Variants in EPB41L4A observed in about 807,000 individuals in gnomAD.
EPB41L4A encodes band 4.1-like protein 4A.
EPB41L4A carries 100 observed loss-of-function variants against 108.6 expected under a neutral mutation model. That is an observed-to-expected ratio of 0.92 (90% CI 0.78 to 1.09). The LOEUF is 1.09. Among genes scored for constraint, EPB41L4A ranks in the 50% least tolerant of loss-of-function variants. EPB41L4A has a pLI of 0.00. For missense variants in EPB41L4A, 1,030 were observed against 842.7 expected, an observed-to-expected ratio of 1.22 and a Z score of -2.75; for synonymous variants, 319 against 289.0, an observed-to-expected ratio of 1.10 and a Z score of -1.05.
At chr5:112,228,659 A>G (rs1580476369) in intron 12 of EPB41L4A, 37 of 968,510 alleles carry the variant, frequency 3.8e-5, no homozygotes, top group Non-Finnish European at 4.5e-5. Context: ...TTCTGTCTTC[A>G]TTGCCTACTT....
intron 2 of EPB41L4A, among the ~76,000 whole-genome samples, 194 bp from the exon 3 acceptor site, chr5:112,280,517 C>T (rs775308241): frequency 6.6e-6 from 1 of 152,184 alleles, no homozygotes; most frequent in Non-Finnish European, 1.5e-5. Context: ...AGGCCAGGCA[C>T]GGTGGCTCAC....
intron 6 of EPB41L4A, chr5:112,263,811 T>C (rs1410520998): frequency 6.8e-6 from 1 of 148,032 alleles, no homozygotes; most frequent in Non-Finnish European, 1.5e-5. Flanking sequence ...ATTCTACATT[T>C]TTTTCTTTTT....
chr5:112,142,502 G>C (rs1759104433), exon 14 of EPB41L4A: 1 of 152,128 alleles, frequency 6.6e-6, no homozygotes, highest in African/African-American at 2.4e-5. Flanking sequence ...ATGGGTGTGG[G>C]TCAAGAATAT....
chr5:112,353,348 T>C (rs1341533400), intron 1 of EPB41L4A, among the ~76,000 whole-genome samples: 2 of 152,222 alleles, frequency 1.3e-5, no homozygotes, highest in South Asian at 2.1e-4. Flanking sequence ...GGCAACTTGC[T>C]TGGGTGCCGG....
At chr5:112,409,561 C>T (rs1473269304) in intron 1 of EPB41L4A, among the ~76,000 whole-genome samples, 1 of 152,104 alleles carries the variant, frequency 6.6e-6, no homozygotes, top group Non-Finnish European at 1.5e-5. Context: ...ACCAAGAACA[C>T]CTAGAAAACG....
chr5:112,234,766 C>A lies in EPB41L4A; in HGVS notation c.966-11G>T. 6.2e-7 allele frequency: 1 copy of A among 1,605,956 alleles called. No homozygotes were observed. The highest frequency in any genetic ancestry group is 1.1e-5 in the South Asian group (1 of 90,068). On this transcript the variant is annotated splice_polypyrimidine_tract_variant and intron_variant, in intron 11 of 22. Coordinates refer to ENST00000261486, the MANE Select transcript of EPB41L4A (RefSeq NM_022140.5). ...AAAGCTGTCCTGCCACTTGAGAGTG[C>A]AACATTTTGATTAGCAAAGGTAAAA...
intron 11 of EPB41L4A, among the ~76,000 whole-genome samples, chr5:112,236,263 A>G (rs1490190606): frequency 6.6e-6 from 1 of 152,188 alleles, no homozygotes; most frequent in African/African-American, 2.4e-5. Flanking sequence ...GATCTGCCAT[A>G]GGCTATACAG....
intron 1 of EPB41L4A, among the ~76,000 whole-genome samples, chr5:112,322,728 TCA>T (rs1295541367): frequency 1.5e-5 from 2 of 136,950 alleles, no homozygotes; most frequent in African/African-American, 5.4e-5. Flanking sequence ...ACACACACAC[TCA>T]CACACACACC....
In EPB41L4A at chr5:112,164,774, C is replaced by T. The variant is rs961667708; in HGVS notation, c.*216G>A. 2.3e-5 allele frequency: 8 copies of T among 351,954 alleles called. No individual in the cohort carries two copies. Among genetic ancestry groups the T allele is most frequent in the South Asian group, 5.0e-5 (1 of 19,972 alleles). The allele number at this position is 351,954 out of a possible 1,614,324, so 21.8% of individuals were successfully genotyped here. On this transcript the variant is annotated 3_prime_UTR_variant, in exon 23 of 23. Coordinates refer to ENST00000261486, the MANE Select transcript of EPB41L4A (RefSeq NM_022140.5). ...CGCTTAACCCAGTAAGTGGAGGCTG[C>T]GGTGAGCTGACACGGTGCCGCTGCA...
At chr5:112,358,221 C>T (rs1252780621) in intron 1 of EPB41L4A, among the ~76,000 whole-genome samples, 3 of 152,194 alleles carry the variant, frequency 2.0e-5, no homozygotes, top group African/African-American at 4.8e-5. Flanking sequence ...ATGATTTGTC[C>T]TTACTGTATA....
chr5:112,325,283 T>C (rs766523678), intron 1 of EPB41L4A, among the ~76,000 whole-genome samples: 4 of 151,600 alleles, frequency 2.6e-5, no homozygotes, highest in South Asian at 2.1e-4. Flanking sequence ...CTACTAAAAA[T>C]ACAAAAAATT....
chr5:112,293,523 C>G (rs1753793934), intron 2 of EPB41L4A, among the ~76,000 whole-genome samples: 1 of 152,152 alleles, frequency 6.6e-6, no homozygotes, highest in African/African-American at 2.4e-5. Context: ...ACATTCATGC[C>G]TACTGCAATC....
At chr5:112,308,091 A>G (rs535951931) in intron 1 of EPB41L4A, among the ~76,000 whole-genome samples, 1 of 152,284 alleles carries the variant, frequency 6.6e-6, no homozygotes, top group Non-Finnish European at 1.5e-5. Flanking sequence ...TTAAACACTG[A>G]TAACTACCTA....
chr5:112,404,615 T>C (rs919822138), intron 1 of EPB41L4A, among the ~76,000 whole-genome samples: 6 of 152,102 alleles, frequency 3.9e-5, no homozygotes, highest in African/African-American at 1.2e-4. Flanking sequence ...ATATTCGGAG[T>C]CTATATTCTC....
chr5:112,204,294 A>G (rs1327670138), intron 15 of EPB41L4A, 81 bp downstream of exon 15: 6 of 846,486 alleles, frequency 7.1e-6, no homozygotes, highest in Admixed American at 1.8e-5. Flanking sequence ...TGTCGGTATA[A>G]GAATCACCTA....
chr5:112,279,776 G>T (rs1392724867), intron 3 of EPB41L4A, among the ~76,000 whole-genome samples: 1 of 151,940 alleles, frequency 6.6e-6, no homozygotes, highest in Non-Finnish European at 1.5e-5. Context: ...CAAAAAGCTA[G>T]CTCCCAAAAA....
At chr5:112,222,081 G>A (rs1748097613) in intron 12 of EPB41L4A, among the ~76,000 whole-genome samples, 1 of 152,132 alleles carries the variant, frequency 6.6e-6, no homozygotes, top group South Asian at 2.1e-4. Flanking sequence ...TCTTGGCTAG[G>A]TAAGATGCCC....
At chr5:112,354,377 T>A (rs945041643) in intron 1 of EPB41L4A, among the ~76,000 whole-genome samples, 1 of 151,960 alleles carries the variant, frequency 6.6e-6, no homozygotes, top group East Asian at 1.9e-4. Flanking sequence ...AGTAAAATAA[T>A]GCAATAAGTA....
intron 7 of EPB41L4A, 121 bp downstream of exon 7, chr5:112,262,373 T>G (rs986806350): frequency 2.6e-6 from 2 of 777,948 alleles, no homozygotes; most frequent in African/African-American, 1.7e-5. Context: ...GAAAAACAGA[T>G]AAAAAAGTAT....
Sources: gnomAD v4.1 joint callset for allele counts (sites outside exome capture counted in the v4.1 genomes callset) on GRCh38, gnomAD v4.1.1 for gene constraint, MANE v1.5 for transcripts, NCBI Gene and HGNC (gene_info 2026-07-23, HGNC 2026-07-21) for gene names.